Variants in KLHL36 observed in about 807,000 individuals in gnomAD.
The protein encoded by KLHL36 is kelch like family member 36, also known as kelch-like protein 36.
KLHL36 carries 35 observed loss-of-function variants against 53.3 expected under a neutral mutation model. That is an observed-to-expected ratio of 0.66 (90% CI 0.50 to 0.87). KLHL36 has a LOEUF of 0.87. Ranked by LOEUF, KLHL36 falls within the 40% of genes least tolerant of loss-of-function variation. The probability of loss-of-function intolerance (pLI) is 0.00; values close to 1 mark genes in which losing one functional copy is unlikely to be tolerated. For synonymous variants in KLHL36, 472 were observed against 398.9 expected, an observed-to-expected ratio of 1.18 and a Z score of -2.18; for missense variants, 864 against 897.6, an observed-to-expected ratio of 0.96 and a Z score of 0.48.
chr16:84,651,143 A>G (rs539908433), intron 2 of KLHL36, among the ~76,000 whole-genome samples: 1 of 152,114 alleles, frequency 6.6e-6, no homozygotes, highest in South Asian at 2.1e-4. Context: ...CTATGGCCAG[A>G]TGTCTTCATT....
intron 2 of KLHL36, among the ~76,000 whole-genome samples, chr16:84,655,295 G>A (rs1907135446): frequency 6.6e-6 from 1 of 152,144 alleles, no homozygotes; most frequent in South Asian, 2.1e-4. Flanking sequence ...ACGCATGTAT[G>A]GCAACAAAAA....
intron 2 of KLHL36, among the ~76,000 whole-genome samples, chr16:84,656,270 T>C (rs998590242): frequency 1.3e-5 from 2 of 149,930 alleles, no homozygotes; most frequent in Non-Finnish European, 3.0e-5. Context: ...GTTTTGTTTG[T>C]TTGTTTTTTG....
intron 2 of KLHL36, among the ~76,000 whole-genome samples, chr16:84,655,879 C>G (rs752944813): frequency 1.2e-4 from 19 of 152,064 alleles, no homozygotes; most frequent in Middle Eastern, 6.8e-3. Flanking sequence ...ACCTGTTTCT[C>G]CCTATGTTGA....
Position 84,657,532 on chromosome 16 carries a change from A to G in KLHL36, c.725A>G (p.Lys242Arg). ...LENIHFPLIP[K>R]NDLLHRVKPA... ...AACATCCACTTCCCGCTCATCCCCA[A>G]GAACGACCTGCTGCACCGCGTCAAG... Residue 242 changes from lysine to arginine, a missense_variant, in exon 3 of 5, where the codon AAG becomes AGG. By Grantham distance (26) the Lys-to-Arg change is conservative. Transcript: ENST00000564996. 3 of 1,610,232 alleles carry G rather than the reference A, an allele frequency of 1.9e-6. No homozygotes were observed. Among genetic ancestry groups the G allele is most frequent in the East Asian group, 2.2e-5 (1 of 44,860 alleles).
intron 4 of KLHL36, among the ~76,000 whole-genome samples, chr16:84,660,860 G>A (rs954025815): frequency 7.2e-5 from 11 of 152,110 alleles, no homozygotes; most frequent in Admixed American, 2.0e-4. Context: ...AGCCTCAAGA[G>A]ATCCACCCAC....
chr16:84,658,924 C>G (rs1026237359), intron 3 of KLHL36: 1 of 152,110 alleles, frequency 6.6e-6, no homozygotes, highest in African/African-American at 2.4e-5. Context: ...AGCCTCCTCC[C>G]GAAGCCTGGC....
intron 4 of KLHL36, 133 bp downstream of exon 4, chr16:84,660,050 G>A (rs1276732531): frequency 4.3e-6 from 4 of 923,820 alleles, no homozygotes; most frequent in East Asian, 4.9e-5. Context: ...GTCAGGAAGA[G>A]TGGGTACACC....
Position 84,651,995 on chromosome 16 carries a change from A to G in KLHL36, c.63+1065A>G, listed in dbSNP as rs561335336. On this transcript the variant is annotated intron_variant, in intron 2 of 4. Coordinates refer to ENST00000564996, the MANE Select transcript of KLHL36 (RefSeq NM_024731.4). ...AAAGAAAAACTGGCTGTCATTTTCA[A>G]GAGAGGTTGGCTCTCTTGAGATATG... is the stretch of plus-strand genomic sequence containing the variant. 2.0e-5 allele frequency among the ~76,000 whole-genome samples: 3 copies of G among 152,336 alleles called. No homozygotes were observed. In the South Asian group the frequency reaches 6.2e-4, roughly 32 times the overall value.
intron 4 of KLHL36, 69 bp downstream of exon 4, chr16:84,659,986 C>G (rs1907453370): frequency 6.9e-7 from 1 of 1,440,622 alleles, no homozygotes; most frequent in African/African-American, 1.4e-5. Context: ...AGTCCACGTG[C>G]CTCACTTTCT....
At position 84,657,267 on chromosome 16, in the gene KLHL36, C is replaced by G. The variant is rs1326454576; in HGVS notation, c.460C>G (p.Leu154Val). The G allele has an allele frequency of 1.2e-6, 2 of 1,614,156 alleles. No homozygotes were observed. The highest frequency in any genetic ancestry group is 1.7e-6 in the Non-Finnish European group (2 of 1,180,036). ...GGACAACTACCTGTACCTGCAGGAGCTGGCCTCCATCTACAGCCTCAAGCG... is the reference window on the plus strand; with the variant it reads ...GGACAACTACCTGTACCTGCAGGAGGTGGCCTCCATCTACAGCCTCAAGCG... ...SEDNYLYLQE[L>V]ASIYSLKRLD... Residue 154 changes from leucine to valine, a missense_variant, in exon 3 of 5, where the codon CTG becomes GTG. Coordinates refer to ENST00000564996, the MANE Select transcript of KLHL36 (RefSeq NM_024731.4).
rs1157868413 is a variant in KLHL36, at chr16:84,662,619, A to G, written c.*486A>G. ...GGAGGAGGTGGTGCCCAGAAGCTGTATTTTAACTAGTTCTTGGAATTCTGG... is the reference window on the plus strand; with the variant it reads ...GGAGGAGGTGGTGCCCAGAAGCTGTGTTTTAACTAGTTCTTGGAATTCTGG... On this transcript the variant is annotated 3_prime_UTR_variant, in exon 5 of 5. Transcript: ENST00000564996. The G allele has an allele frequency of 6.5e-6, 1 of 154,224 alleles. No individual in the cohort carries two copies. Among genetic ancestry groups the G allele is most frequent in the Non-Finnish European group, 1.4e-5 (1 of 69,408 alleles). 9.6% of individuals were successfully genotyped at this position (154,224 alleles called of 1,614,324 possible). A position where few individuals can be genotyped will look rare whatever the true frequency, so the allele number is the denominator to read the frequency against.
chr16:84,652,719 C>T (rs968371579), intron 2 of KLHL36, among the ~76,000 whole-genome samples: 14 of 152,236 alleles, frequency 9.2e-5, no homozygotes, highest in Admixed American at 4.6e-4. Context: ...CCAACCCCAC[C>T]GCTGTGGTTT....
At position 84,657,866 on chromosome 16, in the gene KLHL36, C is replaced by A; in HGVS notation, c.1059C>A (p.Ser353Arg). 1 of 1,590,088 alleles carries A rather than the reference C, an allele frequency of 6.3e-7. No homozygotes were observed. The highest frequency in any genetic ancestry group is 8.6e-7 in the Non-Finnish European group (1 of 1,165,540). ...LGGFIFIAGGSFSRDNGGDAA... is the reference protein window; with the variant it reads ...LGGFIFIAGGRFSRDNGGDAA... ...GCTTCATCTTCATCGCCGGCGGCAG[C>A]TTCTCACGGGACAACGGAGGGGATG... The change falls in exon 3 of 5, where the codon AGC (serine) becomes AGA (arginine). Residue 353 changes from serine (S) to arginine (R), a missense_variant. By Grantham distance (110) the Ser-to-Arg change is moderately radical. Coordinates refer to ENST00000564996, the MANE Select transcript of KLHL36 (RefSeq NM_024731.4).
At position 84,667,614 on chromosome 16, in the gene KLHL36, C is replaced by G. The variant is rs900015831; in HGVS notation, c.*5481C>G. On this transcript the variant is annotated 3_prime_UTR_variant, in exon 5 of 5. Transcript: ENST00000564996. ...TCTTGTGTGGTTATTGTAATGATGT[C>G]TGGTCCTAATTTCTCTGCCCGTATG... The G allele has an allele frequency of 6.6e-6, 1 of 152,128 alleles. No individual in the cohort carries two copies. The highest frequency in any genetic ancestry group is 2.4e-5 in the African/African-American group (1 of 41,406). The allele number at this position is 152,128 out of a possible 1,614,324, so 9.4% of individuals were successfully genotyped here.
chr16:84,650,998 C>A, intron 2 of KLHL36, 68 bp downstream of exon 2: 2 of 1,291,108 alleles, frequency 1.5e-6, no homozygotes, highest in East Asian at 2.4e-5. Context: ...CTGATTCACT[C>A]ATTTCTAATC....
intron 2 of KLHL36, among the ~76,000 whole-genome samples, chr16:84,655,413 T>A (rs951612434): frequency 1.3e-5 from 2 of 152,308 alleles, no homozygotes; most frequent in African/African-American, 4.8e-5. Context: ...ACGTTGTCCC[T>A]GCAAATTATA....
chr16:84,653,411 G>A (rs1317052909), intron 2 of KLHL36, among the ~76,000 whole-genome samples: 3 of 152,080 alleles, frequency 2.0e-5, no homozygotes, highest in Non-Finnish European at 4.4e-5. Flanking sequence ...GAATGCTGTG[G>A]ATTGGAGCTT....
At position 84,661,518 on chromosome 16, in the gene KLHL36, AG is replaced by A; in HGVS notation, c.1296-55del. ...GACGGCAGGCTGTTCCCCGGCTCGG[AG>A]GGGGTAAGCCTGGCACAGCCCTGAG... On this transcript the variant is annotated intron_variant, in intron 4 of 4. Transcript: ENST00000564996. The surrounding 1 kb of genome is among the most constrained non-coding windows in gnomAD (Gnocchi z 7.9). 6.7e-7 allele frequency: 1 copy of A among 1,490,422 alleles called. No homozygotes were observed. Among genetic ancestry groups the A allele is most frequent in the Non-Finnish European group, 9.0e-7 (1 of 1,110,068 alleles). 92.3% of individuals were successfully genotyped at this position (1,490,422 alleles called of 1,614,324 possible).
Position 84,662,910 on chromosome 16 carries a change from G to T in KLHL36, c.*777G>T, listed in dbSNP as rs1414585148. 6.6e-6 allele frequency: 1 copy of T among 151,794 alleles called. No individual in the cohort carries two copies. Among genetic ancestry groups the T allele is most frequent in the African/African-American group, 2.4e-5 (1 of 41,306 alleles). 9.4% of individuals were successfully genotyped at this position (151,794 alleles called of 1,614,324 possible). ...GGTAACCAAAAACGAAAAAAGGTAT[G>T]AAGCTCTTTATACATATTTTTTTGT... On this transcript the variant is annotated 3_prime_UTR_variant, in exon 5 of 5. Transcript: ENST00000564996.
Sources: allele counts gnomAD v4.1 joint callset (sites outside exome capture counted in the v4.1 genomes callset), GRCh38; gene constraint gnomAD v4.1.1; non-coding constraint Gnocchi (gnomAD v3.1); transcripts MANE v1.5; gene names NCBI Gene and HGNC (gene_info 2026-07-23, HGNC 2026-07-21).